Variants in MAST3 observed in about 807,000 individuals in gnomAD.
MAST3 encodes microtubule associated serine/threonine kinase 3, also known as microtubule-associated serine/threonine-protein kinase 3.
In MAST3, 43 loss-of-function variants were observed where a neutral mutation model predicts 127.0. The observed-to-expected ratio is 0.34, with a 90% CI of 0.27 to 0.44. The LOEUF is 0.44. Among genes scored for constraint, MAST3 ranks in the 20% least tolerant of loss-of-function variants. The pLI is 1.00. For synonymous variants in MAST3, 785 were observed against 809.2 expected (o/e 0.97, Z 0.51); for missense variants, 1,390 against 1,919.1 (o/e 0.72, Z 5.15).
At chr19:18,127,795 G>T (rs910859474) in intron 11 of MAST3, among the ~76,000 whole-genome samples, 1 of 152,200 alleles carries the variant, frequency 6.6e-6, no homozygotes, top group Non-Finnish European at 1.5e-5. Flanking sequence ...AGAGGTGGAG[G>T]TTGCAGTGAG....
chr19:18,102,550 T>C (rs273503), intron 1 of MAST3, among the ~76,000 whole-genome samples: 71,227 of 150,130 alleles, frequency 0.47, 17,435 homozygotes, highest in African/African-American at 0.59. Context: ...GGTGTGGTCT[T>C]GGCTCACTGC....
intron 1 of MAST3, among the ~76,000 whole-genome samples, chr19:18,102,273 G>A (rs1000911467): frequency 6.7e-6 from 1 of 149,940 alleles, no homozygotes; most frequent in Non-Finnish European, 1.5e-5. Context: ...CTCTGCCCCC[G>A]AGTTCAAGCG....
chr19:18,109,990 T>A (rs1198378570), intron 2 of MAST3: 1 of 985,296 alleles, frequency 1.0e-6, no homozygotes, highest in East Asian at 1.1e-4. Flanking sequence ...GCCCTTCCCT[T>A]CCGGGGCGCA....
chr19:18,101,134 T>C (rs1342295255), intron 1 of MAST3, among the ~76,000 whole-genome samples: 1 of 152,140 alleles, frequency 6.6e-6, no homozygotes, highest in African/African-American at 2.4e-5. Flanking sequence ...TATTATCTTA[T>C]TACATTTATC....
chr19:18,132,700 C>T (rs1169165341), intron 15 of MAST3, among the ~76,000 whole-genome samples: 1 of 152,180 alleles, frequency 6.6e-6, no homozygotes. Context: ...TGAGCGCCTG[C>T]TGTGTGCAGG....
chr19:18,133,972 T>C (rs2041618263), intron 15 of MAST3, among the ~76,000 whole-genome samples: 1 of 152,224 alleles, frequency 6.6e-6, no homozygotes, highest in African/African-American at 2.4e-5. Context: ...ACCAGCTGTA[T>C]GAAGTCGCAT....
At chr19:18,147,369 C>G (rs1018617836) in intron 26 of MAST3, 74 bp from the exon 27 acceptor site, 33 of 1,379,684 alleles carry the variant, frequency 2.4e-5, no homozygotes, top group Middle Eastern at 1.8e-4. Context: ...TCTGAAAGTG[C>G]TGGGATTACA....
intron 3 of MAST3, among the ~76,000 whole-genome samples, chr19:18,115,696 C>T (rs970512938): frequency 6.6e-6 from 1 of 152,190 alleles, no homozygotes; most frequent in Non-Finnish European, 1.5e-5. Context: ...GACACCGTCC[C>T]AGACCCTTAC....
chr19:18,101,079 C>G (rs2037565305), intron 1 of MAST3, among the ~76,000 whole-genome samples: 1 of 152,180 alleles, frequency 6.6e-6, no homozygotes, highest in Non-Finnish European at 1.5e-5. Flanking sequence ...TCACGCATAA[C>G]GTGTGCAGGC....
In MAST3 at chr19:18,146,752, T is replaced by A. The variant is rs371751757; in HGVS notation, c.3163-129T>A. The A allele has an allele frequency of 6.3e-5, 51 of 812,392 alleles. No homozygotes were observed. In the African/African-American group the frequency reaches 7.6e-4, roughly 12 times the overall value. The allele number at this position is 812,392 out of a possible 1,614,324, so 50.3% of individuals were successfully genotyped here. Reference sequence around the variant, plus strand: ...GATATATTGGGTAGGTCACTGGTTGTGTGGATGAATGGATGCTGGGGTGGT... The same window carrying A: ...GATATATTGGGTAGGTCACTGGTTGAGTGGATGAATGGATGCTGGGGTGGT... On this transcript the variant is annotated intron_variant, in intron 25 of 27. Transcript: ENST00000687212.
Position 18,151,341 on chromosome 19 carries a change from G to T in MAST3, c.*1615G>T, listed in dbSNP as rs1213003650. 2 of 152,330 alleles carry T rather than the reference G, an allele frequency of 1.3e-5. No individual in the cohort carries two copies. Among genetic ancestry groups the T allele is most frequent in the African/African-American group, 4.8e-5 (2 of 41,582 alleles). The allele number at this position is 152,330 out of a possible 1,614,324, so 9.4% of individuals were successfully genotyped here. A position where few individuals can be genotyped will look rare whatever the true frequency, so the allele number is the denominator to read the frequency against. ...TCCATTTTACAGACAAAGCAGCTGA[G>T]ACCCCAGCGAGGGGCGGAGACCTGT... On this transcript the variant is annotated 3_prime_UTR_variant, in exon 28 of 28. Coordinates refer to ENST00000687212, the MANE Select transcript of MAST3 (RefSeq NM_001393504.1).
In MAST3 at chr19:18,144,404, G is replaced by C; in HGVS notation, c.2585-62G>C. On this transcript the variant is annotated intron_variant, in intron 22 of 27. Transcript: ENST00000687212. The surrounding 1 kb of genome is among the most constrained non-coding windows in gnomAD (Gnocchi z 4.0). ...AGTGACCAGGGAGGAAGGGCCTTAA[G>C]GTCCCTTTAGGACCACATGGTGAGT... 1 of 1,402,336 alleles carries C rather than the reference G, an allele frequency of 7.1e-7. No individual in the cohort carries two copies. Among genetic ancestry groups the C allele is most frequent in the Non-Finnish European group, 9.8e-7 (1 of 1,022,522 alleles). The allele number at this position is 1,402,336 out of a possible 1,614,324, so 86.9% of individuals were successfully genotyped here.
intron 19 of MAST3, 82 bp from the exon 20 acceptor site, chr19:18,138,933 G>T: frequency 2.1e-6 from 2 of 936,722 alleles, no homozygotes; most frequent in Non-Finnish European, 3.4e-6. Context: ...CCTATCCTGA[G>T]ATGCCCTCCC....
Position 18,128,933 on chromosome 19 carries a change from T to A in MAST3, c.1205T>A (p.Ile402Asn). 6.2e-7 allele frequency: 1 copy of A among 1,613,966 alleles called. No homozygotes were observed. Among genetic ancestry groups the A allele is most frequent in the Non-Finnish European group, 8.5e-7 (1 of 1,179,880 alleles). The change falls in exon 13 of 28, where the codon ATT becomes AAT. Residue 402 changes from isoleucine (I) to asparagine (N), a missense_variant. Physicochemically the swap from Ile to Asn is moderately radical, Grantham distance 149. Around this residue, in one of 5 missense-constraint regions of MAST3, gnomAD observed 277 missense variants for 384.8 expected, o/e 0.72. Transcript: ENST00000687212. ...CESDFETIKL[I>N]SNGAYGAVYL... is the part of the protein sequence containing the mutation. ...AGCGACTTTGAGACCATCAAACTCA[T>A]TAGCAACGGAGCCTATGGGTGAGTC...
Position 18,139,099 on chromosome 19 carries a change from C to T in MAST3, c.2180C>T (p.Ser727Phe), listed in dbSNP as rs1405432846. Reference protein sequence around the residue: ...EESSTEIPQFSSCSHRFSKVY... With the variant: ...EESSTEIPQFFSCSHRFSKVY... ...TCGTCCACAGAGATCCCCCAGTTCT[C>T]CTCCTGCTCCCACCGGTTCAGCAAG... The change falls in exon 20 of 28, where the codon TCC becomes TTC. Residue 727 changes from serine (S) to phenylalanine (F), a missense_variant. Physicochemically the swap from Ser to Phe is radical, Grantham distance 155. This residue lies in a region of MAST3 where 816 missense variants were observed against 934.1 expected (regional missense o/e 0.87). Transcript: ENST00000687212. 3 of 1,602,788 alleles carry T rather than the reference C, an allele frequency of 1.9e-6. No individual in the cohort carries two copies. Among genetic ancestry groups the T allele is most frequent in the Non-Finnish European group, 2.6e-6 (3 of 1,174,930 alleles).
chr19:18,123,910 A>G, intron 8 of MAST3, 29 bp from the exon 9 acceptor site: 1 of 1,534,806 alleles, frequency 6.5e-7, no homozygotes, highest in East Asian at 2.4e-5. Flanking sequence ...CCGCCCTCTG[A>G]CCAGGTCGCC....
chr19:18,122,811 T>C (rs951233571), intron 6 of MAST3, 60 bp downstream of exon 6: 1 of 1,514,356 alleles, frequency 6.6e-7, no homozygotes, highest in South Asian at 1.2e-5. Flanking sequence ...GGGGGACACA[T>C]CTTTGTGTGT....
chr19:18,106,201 C>T lies in MAST3; in HGVS notation c.40-1386C>T, dbSNP rs552526646. On this transcript the variant is annotated intron_variant, in intron 1 of 27. Transcript: ENST00000687212. ...CTCCTGGGGTCAAGCAATCCTCCCACCTCAGTCTCCTGAGTAGCTGGGATT... is the reference window on the plus strand; with the variant it reads ...CTCCTGGGGTCAAGCAATCCTCCCATCTCAGTCTCCTGAGTAGCTGGGATT... Among the ~76,000 whole-genome samples, 14 of 152,238 alleles carry T rather than the reference C, an allele frequency of 9.2e-5. No individual in the cohort carries two copies. In the South Asian group the frequency reaches 2.5e-3, roughly 27 times the overall value.
At chr19:18,142,819 A>AT (rs1280084621) in intron 21 of MAST3, among the ~76,000 whole-genome samples, 3 of 151,596 alleles carry the variant, frequency 2.0e-5, no homozygotes, top group Non-Finnish European at 2.9e-5. Flanking sequence ...TTTTTAAGCA[A>AT]TTTTTTGTAG....
Sources: gnomAD v4.1 joint callset for allele counts (sites outside exome capture counted in the v4.1 genomes callset) on GRCh38, gnomAD v4.1.1 for gene constraint, gnomAD v4.1.1 regional missense constraint, Gnocchi (gnomAD v3.1) non-coding constraint, MANE v1.5 for transcripts, NCBI Gene and HGNC (gene_info 2026-07-23, HGNC 2026-07-21) for gene names.